Variants in NPSR1 observed in about 807,000 individuals in gnomAD.
The protein encoded by NPSR1 is neuropeptide S receptor.
Under a neutral mutation model 46.9 loss-of-function variants are expected in NPSR1, and 48 were observed. That is an observed-to-expected ratio of 1.02 (90% CI 0.81 to 1.30). The LOEUF (loss-of-function observed/expected upper bound fraction) is 1.30, where lower values mean the gene tolerates loss of function less well. Ranked by LOEUF, NPSR1 falls within the 50% of genes most tolerant of loss-of-function variation. The probability of loss-of-function intolerance (pLI) is 0.00; values close to 1 mark genes in which losing one functional copy is unlikely to be tolerated. For synonymous variants in NPSR1, 176 were observed against 168.1 expected (o/e 1.05, Z -0.36); for missense variants, 450 against 449.5 (o/e 1.00, Z -0.01).
intron 2 of NPSR1, chr7:34,750,691 T>C: frequency 1.4e-6 from 1 of 701,778 alleles, no homozygotes; most frequent in East Asian, 2.9e-5. Flanking sequence ...TGGACTCATC[T>C]GACAGTTTAT....
intron 8 of NPSR1, among the ~76,000 whole-genome samples, chr7:34,863,599 T>C (rs1042560318): frequency 4.6e-5 from 7 of 151,808 alleles, no homozygotes; most frequent in African/African-American, 1.7e-4. Context: ...AACAGACATT[T>C]ATGCAGCTAA....
At chr7:34,729,155 G>C (rs1245480876) in intron 2 of NPSR1, among the ~76,000 whole-genome samples, 1 of 152,102 alleles carries the variant, frequency 6.6e-6, no homozygotes, top group Admixed American at 6.6e-5. Flanking sequence ...TTCACCGTTT[G>C]AGAACCTCAC....
chr7:34,870,200 C>T, intron 8 of NPSR1, among the ~76,000 whole-genome samples: 1 of 151,860 alleles, frequency 6.6e-6, no homozygotes, highest in Non-Finnish European at 1.5e-5. Context: ...ACCCAGAACA[C>T]CTTCAGCAGT....
intron 1 of NPSR1, among the ~76,000 whole-genome samples, chr7:34,682,910 C>T (rs117685379): frequency 0.017 from 2,563 of 152,226 alleles, 34 homozygotes; most frequent in Non-Finnish European, 0.029. Flanking sequence ...TGGGAAGTGA[C>T]ATATGTATGC....
intron 4 of NPSR1, among the ~76,000 whole-genome samples, chr7:34,825,091 C>T (rs143761083): frequency 1.3e-5 from 2 of 152,314 alleles, no homozygotes; most frequent in East Asian, 3.9e-4. Flanking sequence ...GGATGCTCCT[C>T]AACCTTCCTT....
intron 4 of NPSR1, among the ~76,000 whole-genome samples, chr7:34,823,417 C>CA (rs79081202): frequency 1.9e-5 from 2 of 103,956 alleles, no homozygotes; most frequent in African/African-American, 8.6e-5. Flanking sequence ...AAAAAAAAAA[C>CA]AACACCATAA....
At chr7:34,750,244 G>T (rs1293539209) in intron 2 of NPSR1, 3 of 631,542 alleles carry the variant, frequency 4.8e-6, no homozygotes, top group East Asian at 6.3e-5. Flanking sequence ...CAGGCAAGAT[G>T]ACTTCTCAGG....
chr7:34,674,355 G>T (rs903323365), intron 1 of NPSR1, among the ~76,000 whole-genome samples: 1 of 152,238 alleles, frequency 6.6e-6, no homozygotes, highest in East Asian at 1.9e-4. Context: ...TTAAAATCAG[G>T]TGCCCATGTA....
chr7:34,747,308 AG>A (rs1455154823), intron 2 of NPSR1, among the ~76,000 whole-genome samples: 7 of 152,264 alleles, frequency 4.6e-5, no homozygotes, highest in African/African-American at 1.7e-4. Context: ...AGTAAGGCAC[AG>A]GGGCCCTCTT....
At chr7:34,873,584 G>A (rs910746624) in intron 8 of NPSR1, among the ~76,000 whole-genome samples, 8 of 151,624 alleles carry the variant, frequency 5.3e-5, no homozygotes, top group African/African-American at 2.0e-4. Flanking sequence ...GCAAGAGAGA[G>A]GTGGAGGTAT....
chr7:34,675,998 T>C (rs999867290), intron 1 of NPSR1, among the ~76,000 whole-genome samples: 2 of 152,116 alleles, frequency 1.3e-5, no homozygotes, highest in African/African-American at 4.8e-5. Flanking sequence ...GGGGGTTGTG[T>C]TGGGACACCA....
intron 2 of NPSR1, among the ~76,000 whole-genome samples, chr7:34,729,562 T>C (rs962559490): frequency 3.9e-5 from 6 of 152,026 alleles, no homozygotes; most frequent in African/African-American, 9.7e-5. Context: ...AATTTGGAAA[T>C]GATATGATTA....
chr7:34,806,367 C>T (rs1347837047), intron 3 of NPSR1, among the ~76,000 whole-genome samples: 1 of 152,078 alleles, frequency 6.6e-6, no homozygotes, highest in African/African-American at 2.4e-5. Context: ...CATGAAAAGA[C>T]ATGGAGGAAT....
At chr7:34,753,228 C>T (rs979521549) in intron 2 of NPSR1, among the ~76,000 whole-genome samples, 4 of 152,114 alleles carry the variant, frequency 2.6e-5, no homozygotes, top group Admixed American at 2.6e-4. Flanking sequence ...GATGCTGATG[C>T]TGCCAAAAGT....
intron 6 of NPSR1, among the ~76,000 whole-genome samples, chr7:34,836,197 CA>C (rs1225401009): frequency 5.3e-5 from 8 of 152,184 alleles, no homozygotes; most frequent in African/African-American, 1.9e-4. Context: ...CAAAAGCAAT[CA>C]GAGAGAATAA....
intron 4 of NPSR1, among the ~76,000 whole-genome samples, chr7:34,815,262 C>T (rs1789187953): frequency 1.3e-5 from 2 of 152,140 alleles, no homozygotes; most frequent in African/African-American, 4.8e-5. Flanking sequence ...GGCACAAGAA[C>T]TTCGTGAGGC....
intron 2 of NPSR1, among the ~76,000 whole-genome samples, chr7:34,689,486 T>A (rs1415744640): frequency 6.6e-6 from 1 of 151,018 alleles, no homozygotes; most frequent in African/African-American, 2.4e-5. Context: ...ACGCCTGTAG[T>A]CACAGCTACT....
At chr7:34,814,806 A>G (rs927301036) in intron 4 of NPSR1, among the ~76,000 whole-genome samples, 8 of 152,200 alleles carry the variant, frequency 5.3e-5, no homozygotes, top group Admixed American at 2.0e-4. Flanking sequence ...AAACTCCAAC[A>G]GACCTGCAGC....
intron 2 of NPSR1, among the ~76,000 whole-genome samples, chr7:34,732,741 A>G (rs1343160409): frequency 1.3e-5 from 2 of 152,218 alleles, no homozygotes; most frequent in African/African-American, 4.8e-5. Flanking sequence ...ACACATCACT[A>G]AACAAGCAAA....
Sources: allele counts gnomAD v4.1 joint callset (sites outside exome capture counted in the v4.1 genomes callset), GRCh38; gene constraint gnomAD v4.1.1; transcripts MANE v1.5; gene names NCBI Gene and HGNC (gene_info 2026-07-23, HGNC 2026-07-21).